Variants in DNAH14 observed in about 807,000 individuals in gnomAD.
DNAH14 encodes axonemal beta dynein heavy chain 14.
In DNAH14, 478 loss-of-function variants were observed where a neutral mutation model predicts 520.9. The ratio of observed to expected loss-of-function variants is 0.92; its 90% CI spans 0.85 to 0.99. The LOEUF (loss-of-function observed/expected upper bound fraction) is 0.99, where lower values mean the gene tolerates loss of function less well. DNAH14 is among the 50% of genes least tolerant of loss of function. The pLI, the probability that DNAH14 is intolerant of heterozygous loss-of-function variation, is 0.00. For synonymous variants in DNAH14, 1,581 were observed against 1,757.2 expected (o/e 0.90, Z 2.51); for missense variants, 4,831 against 5,234.5 (o/e 0.92, Z 2.38).
chr1:225,247,437 C>G (rs991131918), intron 43 of DNAH14, among the ~76,000 whole-genome samples: 1 of 152,024 alleles, frequency 6.6e-6, no homozygotes, highest in Admixed American at 6.6e-5. Flanking sequence ...GGATAAACTC[C>G]ACTCTGGTCA....
chr1:225,103,598 T>G (rs545137129), intron 23 of DNAH14, among the ~76,000 whole-genome samples: 1 of 152,252 alleles, frequency 6.6e-6, no homozygotes, highest in South Asian at 2.1e-4. Context: ...CTTGAAGAGG[T>G]CCTTCACGTC....
Position 225,144,458 on chromosome 1 carries a change from A to T in DNAH14, c.4570A>T (p.Ser1524Cys). The T allele has an allele frequency of 6.4e-7, 1 of 1,551,688 alleles. No individual in the cohort carries two copies. Among genetic ancestry groups the T allele is most frequent in the Non-Finnish European group, 8.7e-7 (1 of 1,146,968 alleles). Residue 1524 changes from serine (S) to cysteine (C), a missense_variant, in exon 29 of 86, where the codon AGC (serine) becomes TGC (cysteine). Physicochemically the swap from Ser to Cys is moderately radical, Grantham distance 112 (BLOSUM62 -1). Transcript: ENST00000682510. ...KLCYVSQGNA[S>C]FTYGYEYLGC... ...GTGCTATGTGTCTCAAGGAAATGCC[A>T]GCTTTACTTATGGCTATGAGTACTT...
intron 17 of DNAH14, among the ~76,000 whole-genome samples, chr1:225,060,129 T>C (rs1052896953): frequency 6.6e-6 from 1 of 152,260 alleles, no homozygotes; most frequent in Non-Finnish European, 1.5e-5. Context: ...GTTTTCCGAC[T>C]TGGTTCCATT....
At chr1:225,346,773 A>C in intron 71 of DNAH14, 119 bp downstream of exon 71, 1 of 660,004 alleles carries the variant, frequency 1.5e-6, no homozygotes, top group Admixed American at 3.3e-5. Context: ...GCTTGAGGTC[A>C]AGCACCTCCA....
intron 5 of DNAH14, among the ~76,000 whole-genome samples, chr1:224,965,747 C>A (rs1398396396): frequency 2.6e-5 from 4 of 151,982 alleles, no homozygotes; most frequent in Non-Finnish European, 5.9e-5. Context: ...ATGTTTTGAC[C>A]TTGAAATGGA....
intron 21 of DNAH14, among the ~76,000 whole-genome samples, chr1:225,092,425 A>G (rs1226881020): frequency 6.6e-6 from 1 of 152,164 alleles, no homozygotes; most frequent in African/African-American, 2.4e-5. Flanking sequence ...CTGATCCTGA[A>G]TGACTATTGG....
intron 49 of DNAH14, 67 bp from the exon 50 acceptor site, chr1:225,270,668 G>A: frequency 7.2e-7 from 1 of 1,379,842 alleles, no homozygotes; most frequent in Non-Finnish European, 9.7e-7. Context: ...TTGGGACAGA[G>A]ACGTAGGTAC....
At chr1:225,116,001 G>A (rs1469363185) in intron 23 of DNAH14, among the ~76,000 whole-genome samples, 6 of 152,228 alleles carry the variant, frequency 3.9e-5, no homozygotes, top group African/African-American at 1.4e-4. Context: ...ATGATAACTG[G>A]TCTTGAAAGA....
intron 75 of DNAH14, 60 bp downstream of exon 75, chr1:225,360,951 A>C (rs548988419): frequency 6.9e-7 from 1 of 1,449,916 alleles, no homozygotes; most frequent in African/African-American, 1.4e-5. Flanking sequence ...ATAAAGTAAA[A>C]CTGGAAATGT....
chr1:225,118,201 G>A (rs1260770885), intron 25 of DNAH14: 6 of 599,416 alleles, frequency 1.0e-5, no homozygotes, highest in Non-Finnish European at 1.8e-5. Context: ...AGTTGAGAAA[G>A]CAGTCTTCAA....
chr1:225,387,192 A>G (rs1469661445), intron 81 of DNAH14, among the ~76,000 whole-genome samples: 1 of 151,598 alleles, frequency 6.6e-6, no homozygotes, highest in East Asian at 1.9e-4. Context: ...AACAATGAGA[A>G]CACTTGGACA....
chr1:225,283,887 G>C lies in DNAH14; in HGVS notation c.8272-5998G>C, dbSNP rs374204227. Among the ~76,000 whole-genome samples, 9 of 152,026 alleles carry C rather than the reference G, an allele frequency of 5.9e-5. No individual in the cohort carries two copies. In the South Asian group the frequency reaches 1.2e-3, roughly 21 times the overall value. ...AAAGTTTCCAACAAAAGGAAAGTTG[G>C]GATATTAATAACTATGTGGAACTTT... On this transcript the variant is annotated intron_variant, in intron 54 of 85. Transcript: ENST00000682510.
chr1:225,036,546 A>G (rs547770651), intron 11 of DNAH14, among the ~76,000 whole-genome samples: 15 of 152,154 alleles, frequency 9.9e-5, no homozygotes, highest in African/African-American at 3.6e-4. Context: ...GTCTGTTCCC[A>G]TACATCTTTC....
chr1:225,065,820 G>T (rs1436963839), intron 17 of DNAH14, among the ~76,000 whole-genome samples: 2 of 152,004 alleles, frequency 1.3e-5, no homozygotes, highest in African/African-American at 4.8e-5. Context: ...GTGCTAAAAG[G>T]AACATGGAAG....
Position 224,964,591 on chromosome 1 carries a change from T to C in DNAH14, c.480T>C (p.Ile160=). 6.2e-7 allele frequency: 1 copy of C among 1,600,456 alleles called. No individual in the cohort carries two copies. Among genetic ancestry groups the C allele is most frequent in the Non-Finnish European group, 8.5e-7 (1 of 1,172,566 alleles). ...SLKYGSSKIA[I]QKITLKKPLE... ...AATACGGAAGCTCCAAAATTGCAAT[T>C]CAGAAGATTACTTTAAAGGTATTGT... The change falls in exon 5 of 86, where the codon ATT becomes ATC. Residue 160 remains isoleucine (I), a synonymous_variant. Transcript: ENST00000682510.
intron 11 of DNAH14, among the ~76,000 whole-genome samples, chr1:225,031,260 T>C (rs1369451723): frequency 6.6e-6 from 1 of 152,106 alleles, no homozygotes; most frequent in Non-Finnish European, 1.5e-5. Context: ...GTAATAACTT[T>C]TCTTTGGTAG....
At chr1:225,105,295 T>C (rs1181541434) in intron 23 of DNAH14, among the ~76,000 whole-genome samples, 6 of 152,176 alleles carry the variant, frequency 3.9e-5, no homozygotes, top group Non-Finnish European at 8.8e-5. Context: ...TGAGGAGAGC[T>C]TTACTTCCAA....
intron 23 of DNAH14, among the ~76,000 whole-genome samples, chr1:225,113,684 C>G (rs960219745): frequency 1.3e-5 from 2 of 152,218 alleles, no homozygotes; most frequent in East Asian, 1.9e-4. Context: ...AGCTGGCACT[C>G]AAACCACAAG....
intron 11 of DNAH14, among the ~76,000 whole-genome samples, chr1:225,034,525 G>GTGTGTGTGTA (rs1343646290): frequency 1.5e-4 from 2 of 13,206 alleles, no homozygotes; most frequent in African/African-American, 1.7e-4. Context: ...TTGTGTGTGT[G>GTGTGTGTGTA]TGTGTGTGTG....
Sources: gnomAD v4.1 joint callset for allele counts (sites outside exome capture counted in the v4.1 genomes callset) on GRCh38, gnomAD v4.1.1 for gene constraint, MANE v1.5 for transcripts, NCBI Gene and HGNC (gene_info 2026-07-23, HGNC 2026-07-21) for gene names.